Variants in PARP15 observed in about 807,000 individuals in gnomAD.
The protein encoded by PARP15 is protein mono-ADP-ribosyltransferase PARP15.
Under a neutral mutation model 62.1 loss-of-function variants are expected in PARP15, and 50 were observed. The observed-to-expected ratio is 0.81, with a 90% CI of 0.64 to 1.02. The LOEUF (loss-of-function observed/expected upper bound fraction) is 1.02, where lower values mean the gene tolerates loss of function less well. Ranked by LOEUF, PARP15 falls within the 50% of genes least tolerant of loss-of-function variation. The pLI, the probability that PARP15 is intolerant of heterozygous loss-of-function variation, is 0.00. For missense variants in PARP15, 820 were observed against 826.5 expected (o/e 0.99, Z 0.10); for synonymous variants, 309 against 293.1 (o/e 1.05, Z -0.55).
At chr3:122,594,690 A>G (rs1576488024) in intron 1 of PARP15, 1 of 926,618 alleles carries the variant, frequency 1.1e-6, no homozygotes, top group Non-Finnish European at 1.3e-6. Flanking sequence ...TTAAAAATCT[A>G]TTTTCTTCTA....
rs1187018942 is a variant in PARP15, at chr3:122,615,297, T to C, written c.772-482T>C. On this transcript the variant is annotated intron_variant, in intron 4 of 11. Coordinates refer to ENST00000464300, the MANE Select transcript of PARP15 (RefSeq NM_001113523.3). ...GTGTTTTCATTCAGGAGGCTTTGGC[T>C]GGACCTAAGAGATGAAGCATACTGT... The C allele has an allele frequency of 1.2e-5, 15 of 1,289,848 alleles. No individual in the cohort carries two copies. In the South Asian group the frequency reaches 1.5e-4, roughly 13 times the overall value. 79.9% of individuals were successfully genotyped at this position (1,289,848 alleles called of 1,614,324 possible).
intron 1 of PARP15, among the ~76,000 whole-genome samples, chr3:122,604,818 G>T (rs1268271908): frequency 1.3e-5 from 2 of 151,886 alleles, no homozygotes; most frequent in African/African-American, 4.8e-5. Context: ...CCAAAATCGT[G>T]CCATTACACT....
At chr3:122,599,372 C>CA (rs35376492) in intron 1 of PARP15, among the ~76,000 whole-genome samples, 1,487 of 134,232 alleles carry the variant, frequency 0.011, 16 homozygotes, top group African/African-American at 0.019. Context: ...GACATAGTCT[C>CA]AAAAAAAAAA....
chr3:122,631,082 C>T (rs1302672312), intron 9 of PARP15, among the ~76,000 whole-genome samples: 5 of 152,212 alleles, frequency 3.3e-5, no homozygotes, highest in African/African-American at 9.6e-5. Context: ...CCAGGCTTGC[C>T]TGCTGTATTC....
At chr3:122,593,362 G>A (rs532822228) in intron 1 of PARP15, among the ~76,000 whole-genome samples, 2 of 152,002 alleles carry the variant, frequency 1.3e-5, no homozygotes, top group African/African-American at 2.4e-5. Flanking sequence ...GGCTGGTCTC[G>A]AATTCCTGAT....
At chr3:122,579,468 G>A (rs1262641388) in intron 1 of PARP15, among the ~76,000 whole-genome samples, 5 of 152,050 alleles carry the variant, frequency 3.3e-5, no homozygotes, top group African/African-American at 1.2e-4. Context: ...TTTTCTACCA[G>A]TTTCTTTGTC....
At chr3:122,623,105 G>A (rs982922375) in intron 8 of PARP15, among the ~76,000 whole-genome samples, 1 of 152,126 alleles carries the variant, frequency 6.6e-6, no homozygotes, top group Admixed American at 6.5e-5. Context: ...TTTGCTATCG[G>A]CGGTAATGAG....
intron 1 of PARP15, among the ~76,000 whole-genome samples, chr3:122,578,651 AG>A (rs2080735689): frequency 6.6e-6 from 1 of 152,062 alleles, no homozygotes; most frequent in Non-Finnish European, 1.5e-5. Flanking sequence ...TAGTCTTCCT[AG>A]AGAGTGCTTC....
intron 1 of PARP15, 50 bp downstream of exon 1, chr3:122,577,903 T>C: frequency 6.8e-7 from 1 of 1,473,512 alleles, no homozygotes; most frequent in Non-Finnish European, 9.0e-7. Context: ...GGGCTGAGCC[T>C]GGGGCCCGCA....
At chr3:122,599,018 C>T (rs1934581449) in intron 1 of PARP15, among the ~76,000 whole-genome samples, 1 of 152,198 alleles carries the variant, frequency 6.6e-6, no homozygotes, top group South Asian at 2.1e-4. Flanking sequence ...ACCTCAGCCT[C>T]CTGAGTAGCT....
At chr3:122,602,179 A>G (rs1350913748) in intron 1 of PARP15, among the ~76,000 whole-genome samples, 1 of 151,972 alleles carries the variant, frequency 6.6e-6, no homozygotes, top group Non-Finnish European at 1.5e-5. Context: ...CCAACTGCTT[A>G]TTGACTGTAT....
intron 1 of PARP15, among the ~76,000 whole-genome samples, chr3:122,601,919 A>G (rs1356357320): frequency 3.3e-5 from 5 of 151,222 alleles, no homozygotes; most frequent in Non-Finnish European, 7.4e-5. Context: ...GCTGCTCCAC[A>G]TCCTTGCATT....
At chr3:122,595,650 C>T (rs1354883496) in intron 1 of PARP15, among the ~76,000 whole-genome samples, 1 of 152,148 alleles carries the variant, frequency 6.6e-6, no homozygotes, top group East Asian at 1.9e-4. Flanking sequence ...CCCTTTTCAG[C>T]CTCCCTAGTA....
intron 9 of PARP15, among the ~76,000 whole-genome samples, chr3:122,628,452 G>T (rs1226095705): frequency 6.6e-6 from 1 of 152,060 alleles, no homozygotes; most frequent in Non-Finnish European, 1.5e-5. Context: ...ACCTACTATA[G>T]TATCTAGGGA....
intron 1 of PARP15, among the ~76,000 whole-genome samples, chr3:122,588,951 A>T (rs577946138): frequency 2.0e-5 from 3 of 152,324 alleles, no homozygotes; most frequent in Admixed American, 2.0e-4. Context: ...TTGTATGAAT[A>T]TATCACCTTT....
In PARP15 at chr3:122,635,999, C is replaced by A; in HGVS notation, c.1936C>A (p.Leu646Ile). 1 of 1,614,120 alleles carries A rather than the reference C, an allele frequency of 6.2e-7. No individual in the cohort carries two copies. Among genetic ancestry groups the A allele is most frequent in the Non-Finnish European group, 8.5e-7 (1 of 1,180,012 alleles). Residue 646 changes from leucine (L) to isoleucine (I), a missense_variant, in exon 12 of 12, where the codon CTC (leucine) becomes ATC (isoleucine). Physicochemically the swap from Leu to Ile is conservative, Grantham distance 5 (BLOSUM62 2). Transcript: ENST00000464300. ...PPKNPHNPTDLFDSVTNNTRS... is the reference protein window; with the variant it reads ...PPKNPHNPTDIFDSVTNNTRS... ...CAAGAATCCTCACAATCCCACAGAT[C>A]TCTTTGACTCAGTGACAAACAATAC...
chr3:122,610,740 G>A lies in PARP15; in HGVS notation c.543+10G>A, dbSNP rs758363607. 3.5e-5 allele frequency: 53 copies of A among 1,497,294 alleles called. No individual in the cohort carries two copies. The highest frequency in any genetic ancestry group is 4.5e-5 in the Non-Finnish European group (50 of 1,121,778). 92.8% of individuals were successfully genotyped at this position (1,497,294 alleles called of 1,614,324 possible). On this transcript the variant is annotated intron_variant, in intron 3 of 11. Transcript: ENST00000464300. ...AGAGACTTCTTGGCAGGTAGGGAACGCTCTTAGTTCTCCAACGTATTGGGT... is the reference window on the plus strand; with the variant it reads ...AGAGACTTCTTGGCAGGTAGGGAACACTCTTAGTTCTCCAACGTATTGGGT...
intron 8 of PARP15, among the ~76,000 whole-genome samples, chr3:122,624,058 G>A (rs1007962119): frequency 1.3e-5 from 2 of 152,032 alleles, no homozygotes; most frequent in African/African-American, 2.4e-5. Flanking sequence ...GGCTGAGGTG[G>A]GAGAATCACT....
At chr3:122,608,360 C>T (rs550089231) in intron 2 of PARP15, among the ~76,000 whole-genome samples, 6 of 151,756 alleles carry the variant, frequency 4.0e-5, no homozygotes, top group Admixed American at 1.3e-4. Context: ...GGATTATAGG[C>T]GCCCACCACC....
Sources: allele counts gnomAD v4.1 joint callset (sites outside exome capture counted in the v4.1 genomes callset), GRCh38; gene constraint gnomAD v4.1.1; transcripts MANE v1.5; gene names NCBI Gene and HGNC (gene_info 2026-07-23, HGNC 2026-07-21).